Variants in APBA1 observed in about 807,000 individuals in gnomAD.
The protein encoded by APBA1 is amyloid-beta A4 precursor protein-binding family A member 1.
In APBA1, 55 loss-of-function variants were observed where a neutral mutation model predicts 86.6. The ratio of observed to expected loss-of-function variants is 0.64; its 90% confidence interval spans 0.51 to 0.80. The LOEUF (loss-of-function observed/expected upper bound fraction) is 0.80, where lower values mean the gene tolerates loss of function less well. Ranked by LOEUF, APBA1 falls within the 30% of genes least tolerant of loss-of-function variation. The probability of loss-of-function intolerance (pLI) is 0.00; values close to 1 mark genes in which losing one functional copy is unlikely to be tolerated. For missense variants in APBA1, 1,090 were observed against 1,183.0 expected (o/e 0.92, Z 1.15); for synonymous variants, 511 against 493.9 (o/e 1.03, Z -0.46).
At chr9:69,505,039 A>C (rs957966720) in intron 2 of APBA1, among the ~76,000 whole-genome samples, 16 of 152,046 alleles carry the variant, frequency 1.1e-4, no homozygotes, top group African/African-American at 3.9e-4. Flanking sequence ...ACATCCTCAC[A>C]AACACTTGGC....
chr9:69,631,650 C>T (rs1450424171), intron 1 of APBA1, among the ~76,000 whole-genome samples: 7 of 152,192 alleles, frequency 4.6e-5, no homozygotes, highest in African/African-American at 7.2e-5. Flanking sequence ...AGACTTGGAA[C>T]CAATCCAAAT....
intron 9 of APBA1, among the ~76,000 whole-genome samples, 199 bp from the exon 10 acceptor site, chr9:69,449,995 T>C (rs1313510722): frequency 1.3e-5 from 2 of 152,008 alleles, no homozygotes; most frequent in East Asian, 1.9e-4. Context: ...CTACACTCTT[T>C]TGTAATTCAC....
At chr9:69,552,885 T>C (rs1223718420) in intron 1 of APBA1, among the ~76,000 whole-genome samples, 1 of 148,866 alleles carries the variant, frequency 6.7e-6, no homozygotes, top group Admixed American at 6.9e-5. Flanking sequence ...TCTCTGCAAA[T>C]GAAATGGTGC....
chr9:69,569,454 T>A (rs768744251), intron 1 of APBA1, among the ~76,000 whole-genome samples: 4 of 22,852 alleles, frequency 1.8e-4, no homozygotes, highest in South Asian at 1.3e-3. Context: ...TGTGAGTGTG[T>A]GTGTGTGTGT....
chr9:69,606,079 C>G (rs1588390340), intron 1 of APBA1, among the ~76,000 whole-genome samples: 1 of 152,354 alleles, frequency 6.6e-6, no homozygotes, highest in Middle Eastern at 3.4e-3. Context: ...AATCCACTCT[C>G]ATACTCACTA....
intron 1 of APBA1, among the ~76,000 whole-genome samples, chr9:69,648,248 A>C (rs1380029412): frequency 2.6e-5 from 4 of 152,182 alleles, no homozygotes; most frequent in Non-Finnish European, 5.9e-5. Flanking sequence ...AGGGGTTAGG[A>C]ATAAAACTCT....
At chr9:69,469,150 C>G (rs568100743) in intron 4 of APBA1, among the ~76,000 whole-genome samples, 1 of 152,176 alleles carries the variant, frequency 6.6e-6, no homozygotes, top group Non-Finnish European at 1.5e-5. Flanking sequence ...CATGAACCAC[C>G]ATGCCTAGCC....
intron 1 of APBA1, among the ~76,000 whole-genome samples, chr9:69,532,584 A>G (rs988074945): frequency 2.6e-5 from 4 of 152,236 alleles, no homozygotes; most frequent in East Asian, 3.9e-4. Flanking sequence ...TGATAGCACT[A>G]GGCTCACATC....
chr9:69,530,351 C>CAA, intron 1 of APBA1, among the ~76,000 whole-genome samples: 1 of 137,704 alleles, frequency 7.3e-6, no homozygotes, highest in Admixed American at 7.5e-5. Flanking sequence ...CACACACACA[C>CAA]ACACACATGC....
chr9:69,541,547 A>ATT (rs11461593), intron 1 of APBA1, among the ~76,000 whole-genome samples: 6,451 of 142,032 alleles, frequency 0.045, 209 homozygotes, highest in African/African-American at 0.082. Context: ...TCTTTTTTGC[A>ATT]TTTTTTTTTT....
intron 1 of APBA1, among the ~76,000 whole-genome samples, chr9:69,517,960 T>A (rs1158644451): frequency 2.0e-5 from 3 of 152,186 alleles, no homozygotes; most frequent in Non-Finnish European, 2.9e-5. Context: ...ATTGTTAATA[T>A]CCAGAAGGAG....
chr9:69,598,015 CAA>C (rs1241462601), intron 1 of APBA1, among the ~76,000 whole-genome samples: 1 of 151,660 alleles, frequency 6.6e-6, no homozygotes, highest in Non-Finnish European at 1.5e-5. Flanking sequence ...TTCACAATAG[CAA>C]AGACTTGGAA....
intron 1 of APBA1, among the ~76,000 whole-genome samples, chr9:69,552,610 G>A (rs1192754693): frequency 7.9e-5 from 12 of 152,124 alleles, no homozygotes; most frequent in African/African-American, 2.4e-4. Context: ...ACACAGATAC[G>A]CTGTCTAGCA....
intron 1 of APBA1, among the ~76,000 whole-genome samples, chr9:69,608,109 G>T (rs1822513300): frequency 6.6e-6 from 1 of 152,202 alleles, no homozygotes; most frequent in African/African-American, 2.4e-5. Context: ...AATTGGAAGT[G>T]CATGATACTG....
chr9:69,453,597 A>G (rs1588292969), intron 8 of APBA1, among the ~76,000 whole-genome samples: 1 of 152,256 alleles, frequency 6.6e-6, no homozygotes, highest in East Asian at 1.9e-4. Flanking sequence ...TATGACAGCT[A>G]TTAGTATGAC....
chr9:69,432,661 G>T lies in APBA1; in HGVS notation c.2317C>A (p.Arg773=), dbSNP rs1221164288. 1.3e-6 allele frequency: 2 copies of T among 1,587,506 alleles called. No individual in the cohort carries two copies. Among genetic ancestry groups the T allele is most frequent in the African/African-American group, 1.3e-5 (1 of 74,152 alleles). The change falls in exon 12 of 13, where the codon CGA becomes AGA. Residue 773 remains arginine (R), a synonymous_variant. Coordinates refer to ENST00000265381, the MANE Select transcript of APBA1 (RefSeq NM_001163.4). ...VQNGIICSLM[R]GGIAERGGVR... is the part of the protein sequence containing the mutation. ...CCTCCTCTCTCAGCTATTCCCCCTC[G>T]CATGAGGCTGCAGATCTGCCAGAGT...
chr9:69,590,498 A>C (rs1027905178), intron 1 of APBA1, among the ~76,000 whole-genome samples: 2 of 152,158 alleles, frequency 1.3e-5, no homozygotes, highest in Non-Finnish European at 2.9e-5. Context: ...GCCTCACAGC[A>C]CTGGCACTGA....
chr9:69,542,768 G>A (rs1317934549), intron 1 of APBA1, among the ~76,000 whole-genome samples: 1 of 152,212 alleles, frequency 6.6e-6, no homozygotes, highest in African/African-American at 2.4e-5. Context: ...ATTCTCAAAA[G>A]TGTCCAAGTG....
chr9:69,522,742 G>T (rs940412381), intron 1 of APBA1, among the ~76,000 whole-genome samples: 4 of 152,182 alleles, frequency 2.6e-5, no homozygotes, highest in Non-Finnish European at 5.9e-5. Flanking sequence ...GATTTCATGA[G>T]CTAGTGAGCA....
Sources: allele counts gnomAD v4.1 joint callset (sites outside exome capture counted in the v4.1 genomes callset), GRCh38; gene constraint gnomAD v4.1.1; transcripts MANE v1.5; gene names NCBI Gene and HGNC (gene_info 2026-07-23, HGNC 2026-07-21).